TTC38: variants seen among roughly 807,000 people sequenced by gnomAD.
TTC38 encodes the protein tetratricopeptide repeat domain 38.
In TTC38, 64 loss-of-function variants were observed where a neutral mutation model predicts 64.2. The ratio of observed to expected loss-of-function variants is 1.00; its 90% confidence interval spans 0.81 to 1.23. The LOEUF (loss-of-function observed/expected upper bound fraction) is 1.23. Among genes scored for constraint, TTC38 ranks in the 50% most tolerant of loss-of-function variants. The probability of loss-of-function intolerance (pLI) is 0.00; values close to 1 mark genes in which losing one functional copy is unlikely to be tolerated. For missense variants in TTC38, 573 were observed against 615.5 expected, an observed-to-expected ratio of 0.93 and a Z score of 0.73; for synonymous variants, 254 against 249.3, an observed-to-expected ratio of 1.02 and a Z score of -0.18.
chr22:46,280,288 G>T (rs1243742610), intron 6 of TTC38: 1 of 434,728 alleles, frequency 2.3e-6, no homozygotes, highest in Non-Finnish European at 4.8e-6. Context: ...CTCAATGGGT[G>T]GAGGCTTAGG....
In TTC38 at chr22:46,289,414, G is replaced by A; in HGVS notation, c.1095G>A (p.Glu365=). 1 of 1,609,056 alleles carries A rather than the reference G, an allele frequency of 6.2e-7. No homozygotes were observed. The highest frequency in any genetic ancestry group is 8.5e-7 in the Non-Finnish European group (1 of 1,179,600). ...CTTGGGTTCGCAGATCCCCAGGGGA[G>A]AACTGCCAGCACCTCCTGGCCCGAG... The part of the protein sequence containing the change: ...TLRDASESPG[E]NCQHLLARDV... The change falls in exon 12 of 14, where the codon GAG becomes GAA. Residue 365 remains glutamate (E), a synonymous_variant. Coordinates refer to ENST00000381031, the MANE Select transcript of TTC38 (RefSeq NM_017931.4).
Position 46,268,593 on chromosome 22 carries a change from T to C in TTC38, c.111+2T>C. On this transcript the variant is annotated splice_donor_variant, in intron 2 of 13. Coordinates refer to ENST00000381031, the MANE Select transcript of TTC38 (RefSeq NM_017931.4). LOFTEE classifies it high-confidence loss of function. Reference sequence around the variant, plus strand: ...CTGTTCGATGCCACGCTGACCCAGGTATGCCTGCCGAGAGAGGCCGCGGCC... The same window carrying C: ...CTGTTCGATGCCACGCTGACCCAGGCATGCCTGCCGAGAGAGGCCGCGGCC... 1 of 1,613,824 alleles carries C rather than the reference T, an allele frequency of 6.2e-7. No individual in the cohort carries two copies. Among genetic ancestry groups the C allele is most frequent in the Non-Finnish European group, 8.5e-7 (1 of 1,180,016 alleles).
intron 7 of TTC38, 100 bp from the exon 8 acceptor site, chr22:46,283,873 A>AG: frequency 1.4e-6 from 1 of 699,044 alleles, no homozygotes; most frequent in South Asian, 2.0e-5. Context: ...AAAAAAAAAA[A>AG]AAAAAGATGA....
intron 12 of TTC38, 71 bp downstream of exon 12, chr22:46,289,632 A>C: frequency 2.0e-6 from 3 of 1,527,730 alleles, no homozygotes; most frequent in African/African-American, 1.4e-5. Flanking sequence ...GCAGCCCCCA[A>C]GTTTCTCCCA....
At chr22:46,289,698 A>C (rs961907353) in intron 12 of TTC38, 128 bp from the exon 13 acceptor site, 8 of 1,461,880 alleles carry the variant, frequency 5.5e-6, no homozygotes, top group Non-Finnish European at 1.9e-6. Flanking sequence ...CCCGCCGTGT[A>C]AGTTCGTCGT....
At position 46,268,029 on chromosome 22, in the gene TTC38, C is replaced by G. The variant is rs1207418583; in HGVS notation, c.-11C>G. The G allele has an allele frequency of 1.3e-6, 2 of 1,536,734 alleles. No homozygotes were observed. Among genetic ancestry groups the G allele is most frequent in the Non-Finnish European group, 1.7e-6 (2 of 1,147,880 alleles). ...GCCCAGAGCTCGCGGTGGACTCCGA[C>G]CCGGCGCAACATGGCCGCAGCCTCG... On this transcript the variant is annotated 5_prime_UTR_variant, in exon 1 of 14. Transcript: ENST00000381031.
chr22:46,268,999 T>C, intron 2 of TTC38: 1 of 350,354 alleles, frequency 2.9e-6, no homozygotes, highest in East Asian at 8.7e-5. Flanking sequence ...GGGGAAAGCT[T>C]TTTAAATTGC....
Position 46,288,480 on chromosome 22 carries a change from G to A in TTC38, c.974G>A (p.Arg325Gln), listed in dbSNP as rs142345193. 219 of 1,614,036 alleles carry A rather than the reference G, an allele frequency of 1.4e-4. No individual in the cohort carries two copies. The African/African-American group carries it at 2.1e-3, about 16-fold the overall frequency. Residue 325 changes from arginine to glutamine, a missense_variant, in exon 11 of 14, where the codon CGA (arginine) becomes CAA (glutamine). Around this residue, in one of 3 missense-constraint regions of TTC38, gnomAD observed 371 missense variants for 381.8 expected, o/e 0.97. Transcript: ENST00000381031. The part of the protein sequence containing the change: ...DVLPVARKHS[R>Q]DHILLFNDAH... ...CTGCCTGTGGCCCGGAAGCACAGCC[G>A]AGACCACATCCTGCTGTTCAATGAC...
At position 46,276,211 on chromosome 22, in the gene TTC38, G is replaced by A. The variant is rs919437589; in HGVS notation, c.539+790G>A. 1.3e-5 allele frequency among the ~76,000 whole-genome samples: 2 copies of A among 152,206 alleles called. No homozygotes were observed. The highest frequency in any genetic ancestry group is 2.9e-5 in the Non-Finnish European group (2 of 68,038). On this transcript the variant is annotated intron_variant, in intron 5 of 13. Transcript: ENST00000381031. The surrounding 1 kb of genome is among the most constrained non-coding windows in gnomAD (Gnocchi z 4.7). ...GTGAGGGCTGGCAAGTTCAAAATCT[G>A]TAGGGCAGGGCAGCAAGCTGGAAAT... is the stretch of plus-strand genomic sequence containing the variant.
At position 46,282,150 on chromosome 22, in the gene TTC38, AG is replaced by A. The variant is rs1466930054; in HGVS notation, c.735+434del. 1 of 367,822 alleles carries A rather than the reference AG, an allele frequency of 2.7e-6. No homozygotes were observed. The highest frequency in any genetic ancestry group is 2.1e-5 in the African/African-American group (1 of 47,014). 22.8% of individuals were successfully genotyped at this position (367,822 alleles called of 1,614,324 possible). A position where few individuals can be genotyped will look rare whatever the true frequency, so the allele number is the denominator to read the frequency against. On this transcript the variant is annotated intron_variant, in intron 7 of 13. Transcript: ENST00000381031. The surrounding 1 kb of genome is among the most constrained non-coding windows in gnomAD (Gnocchi z 4.4). ...CTGAGTTGGCTACTGAAGGATGAGC[AG>A]GTGTGTGCCACACAGAGGGGGAAGA...
In TTC38 at chr22:46,270,133, G is replaced by T. The variant is rs1936862475; in HGVS notation, c.111+1542G>T. Among the ~76,000 whole-genome samples the T allele has an allele frequency of 6.6e-6, 1 of 152,188 alleles. No homozygotes were observed. Among genetic ancestry groups the T allele is most frequent in the South Asian group, 2.1e-4 (1 of 4,832 alleles). ...TTACACACCACATCCCCAATCAGTG[G>T]CAGCTCATCCTCCCAGCCTGGGTAT... is the stretch of plus-strand genomic sequence containing the variant. On this transcript the variant is annotated intron_variant, in intron 2 of 13. Coordinates refer to ENST00000381031, the MANE Select transcript of TTC38 (RefSeq NM_017931.4). This position sits in a 1 kb window ranked among gnomAD's most constrained non-coding sequence, Gnocchi z 4.7.
Position 46,276,298 on chromosome 22 carries a change from C to T in TTC38, c.539+877C>T, listed in dbSNP as rs1389569098. 6.6e-6 allele frequency among the ~76,000 whole-genome samples: 1 copy of T among 152,154 alleles called. No homozygotes were observed. On this transcript the variant is annotated intron_variant, in intron 5 of 13. Transcript: ENST00000381031. The surrounding 1 kb of genome is among the most constrained non-coding windows in gnomAD (Gnocchi z 4.7). ...CAGTCTGCAGGCAGAATTTCTTCTT[C>T]TAGGGGCCTCCGTCTTTCTCTTAAG...
Position 46,273,935 on chromosome 22 carries a change from T to G in TTC38, c.231T>G (p.Ile77Met), listed in dbSNP as rs1477342046. The change falls in exon 4 of 14, where the codon ATT (isoleucine) becomes ATG (methionine). Residue 77 changes from isoleucine (I) to methionine (M), a missense_variant. Transcript: ENST00000381031. This position sits in a 1 kb window ranked among gnomAD's most constrained non-coding sequence, Gnocchi z 5.1. ...GHAMATGLVL[I>M]GTGSSVKLDK... Reference sequence around the variant, plus strand: ...CCATGGCTACTGGCCTTGTGCTGATTGGCACTGGAAGCTCCGTGAAGCTGG... The same window carrying G: ...CCATGGCTACTGGCCTTGTGCTGATGGGCACTGGAAGCTCCGTGAAGCTGG... 2 of 1,614,124 alleles carry G rather than the reference T, an allele frequency of 1.2e-6. No homozygotes were observed. Among genetic ancestry groups the G allele is most frequent in the African/African-American group, 2.7e-5 (2 of 74,942 alleles).
chr22:46,285,633 C>T (rs1169690887), intron 9 of TTC38, among the ~76,000 whole-genome samples: 1 of 150,308 alleles, frequency 6.7e-6, no homozygotes, highest in Non-Finnish European at 1.5e-5. Context: ...GACAGAGTTT[C>T]GCTCTTGTTG....
chr22:46,279,577 C>T (rs2077518627), intron 6 of TTC38, among the ~76,000 whole-genome samples: 1 of 152,222 alleles, frequency 6.6e-6, no homozygotes, highest in Admixed American at 6.5e-5. Flanking sequence ...TGGGGTTCTT[C>T]CCCCAGTAGT....
chr22:46,272,491 C>T lies in TTC38; in HGVS notation c.193+75C>T. On this transcript the variant is annotated intron_variant, in intron 3 of 13. Transcript: ENST00000381031. The surrounding 1 kb of genome is among the most constrained non-coding windows in gnomAD (Gnocchi z 6.4). ...CCCTCTCTTTCCTTTACCACAGGGA[C>T]ACAGTTGGGATGGGGAAGGCAGGTT... 2.3e-6 allele frequency: 3 copies of T among 1,326,222 alleles called. No homozygotes were observed. The highest frequency in any genetic ancestry group is 3.2e-6 in the Non-Finnish European group (3 of 926,126). The allele number at this position is 1,326,222 out of a possible 1,614,324, so 82.2% of individuals were successfully genotyped here. A position where few individuals can be genotyped will look rare whatever the true frequency, so the allele number is the denominator to read the frequency against.
At position 46,272,419 on chromosome 22, in the gene TTC38, G is replaced by A; in HGVS notation, c.193+3G>A. 1 of 1,612,464 alleles carries A rather than the reference G, an allele frequency of 6.2e-7. No individual in the cohort carries two copies. Among genetic ancestry groups the A allele is most frequent in the South Asian group, 1.1e-5 (1 of 91,018 alleles). On this transcript the variant is annotated splice_donor_region_variant and intron_variant, in intron 3 of 13. Coordinates refer to ENST00000381031, the MANE Select transcript of TTC38 (RefSeq NM_017931.4). The surrounding 1 kb of genome is among the most constrained non-coding windows in gnomAD (Gnocchi z 6.4). ...CAAAGCAGCAGATCCAACCTTTGGT[G>A]AGTAACGCCTTCCCTGGGTGGAGGA...
At position 46,291,749 on chromosome 22, in the gene TTC38, G is replaced by A. The variant is rs2077617573; in HGVS notation, c.1317-1042G>A. On this transcript the variant is annotated intron_variant, in intron 13 of 13. Coordinates refer to ENST00000381031, the MANE Select transcript of TTC38 (RefSeq NM_017931.4). The surrounding 1 kb of genome is among the most constrained non-coding windows in gnomAD (Gnocchi z 4.6). The stretch of plus-strand genomic sequence containing the variant: ...GCGGGTGGATCACCTGAGGTCAGGA[G>A]TTCAAGACCAGCCTGGCTAATATGG... 6.6e-6 allele frequency among the ~76,000 whole-genome samples: 1 copy of A among 152,192 alleles called. No homozygotes were observed. The highest frequency in any genetic ancestry group is 2.4e-5 in the African/African-American group (1 of 41,432).
chr22:46,282,680 C>T lies in TTC38; in HGVS notation c.735+962C>T, dbSNP rs1386550185. ...TGGTCAGGTTCCCTTCTCAGGGACA[C>T]TGAGGTTTGTTTGAGGTTTCTGAGT... On this transcript the variant is annotated intron_variant, in intron 7 of 13. Transcript: ENST00000381031. This position sits in a 1 kb window ranked among gnomAD's most constrained non-coding sequence, Gnocchi z 4.4. Among the ~76,000 whole-genome samples the T allele has an allele frequency of 6.6e-6, 1 of 152,270 alleles. No homozygotes were observed. Among genetic ancestry groups the T allele is most frequent in the East Asian group, 1.9e-4 (1 of 5,180 alleles).
Sources: allele counts gnomAD v4.1 joint callset (sites outside exome capture counted in the v4.1 genomes callset), GRCh38; gene constraint gnomAD v4.1.1; regional missense constraint gnomAD v4.1.1; non-coding constraint Gnocchi (gnomAD v3.1); transcripts MANE v1.5; gene names NCBI Gene and HGNC (gene_info 2026-07-23, HGNC 2026-07-21).